MTUS1: variants seen among roughly 807,000 people sequenced by gnomAD.
MTUS1 encodes the protein microtubule associated scaffold protein 1.
MTUS1 carries 109 observed loss-of-function variants against 120.8 expected under a neutral mutation model. The ratio of observed to expected loss-of-function variants is 0.90; its 90% confidence interval spans 0.77 to 1.06. MTUS1 has a LOEUF of 1.06. Among genes scored for constraint, MTUS1 ranks in the 50% least tolerant of loss-of-function variants. The pLI is 0.00. For synonymous variants in MTUS1, 737 were observed against 550.5 expected (o/e 1.34, Z -4.74); for missense variants, 2,210 against 1,486.3 (o/e 1.49, Z -8.01).
chr8:17,727,955 TAC>T (rs2131149647), intron 3 of MTUS1, among the ~76,000 whole-genome samples: 1 of 152,332 alleles, frequency 6.6e-6, no homozygotes, highest in Admixed American at 6.5e-5. Flanking sequence ...TCAACCAATT[TAC>T]TAAAATACTC....
intron 4 of MTUS1, among the ~76,000 whole-genome samples, chr8:17,717,534 C>T (rs972080810): frequency 6.6e-6 from 1 of 152,162 alleles, no homozygotes; most frequent in Non-Finnish European, 1.5e-5. Context: ...TTATATTCAG[C>T]AACAAATAAG....
upstream of MTUS1, chr8:17,801,330 G>C (rs1244112597): frequency 2.0e-5 from 3 of 151,806 alleles, no homozygotes; most frequent in African/African-American, 7.2e-5. Flanking sequence ...AGCCGAACTC[G>C]GGCCTCCCGC....
At chr8:17,743,554 C>A (rs755581047) in intron 3 of MTUS1, 50 bp downstream of exon 3, 2 of 1,547,764 alleles carry the variant, frequency 1.3e-6, no homozygotes, top group South Asian at 1.2e-5. Context: ...CATGACTGTC[C>A]AATTTTACAT....
intron 10 of MTUS1, 90 bp from the exon 11 acceptor site, chr8:17,653,588 G>T: frequency 1.1e-6 from 1 of 906,420 alleles, no homozygotes; most frequent in South Asian, 1.6e-5. Flanking sequence ...TGTAGGGGTT[G>T]ATGATGAAGC....
chr8:17,734,422 C>G (rs191578355), intron 3 of MTUS1, among the ~76,000 whole-genome samples: 1 of 152,190 alleles, frequency 6.6e-6, no homozygotes, highest in East Asian at 1.9e-4. Context: ...AACAAAAACA[C>G]GGCAAGTCTT....
chr8:17,755,027 C>G lies in MTUS1; in HGVS notation c.781G>C (p.Gly261Arg), dbSNP rs1481559009. 1.9e-6 allele frequency: 3 copies of G among 1,613,788 alleles called. No individual in the cohort carries two copies. The East Asian group carries it at 6.7e-5, about 36-fold the overall frequency. Residue 261 changes from glycine (G) to arginine (R), a missense_variant, in exon 2 of 15, where the codon GGA becomes CGA. Coordinates refer to ENST00000693296, the MANE Select transcript of MTUS1 (RefSeq NM_001363059.2). Reference sequence around the variant, plus strand: ...CCTGAAGAACATGCACACTGATTTCCAATATCTGAAACAAAAACCTCACTT... The same window carrying G: ...CCTGAAGAACATGCACACTGATTTCGAATATCTGAAACAAAAACCTCACTT... The part of the protein sequence containing the change: ...MQSEVFVSDI[G>R]NQCACSSGKV...
intron 6 of MTUS1, among the ~76,000 whole-genome samples, chr8:17,700,690 A>AT (rs35276308): frequency 5.9e-4 from 88 of 150,230 alleles, no homozygotes; most frequent in Admixed American, 2.3e-3. Context: ...TATTTTCCTA[A>AT]TTTTTTTTTT....
At chr8:17,656,605 A>C (rs956643489) in intron 8 of MTUS1, among the ~76,000 whole-genome samples, 9 of 146,556 alleles carry the variant, frequency 6.1e-5, no homozygotes, top group African/African-American at 1.7e-4. Context: ...GTACTTCAGA[A>C]GACCCAGGTT....
rs532716661 is a variant in MTUS1 at position 17,727,379 on chromosome 8, C to G, written c.2288-3546G>C. Reference sequence around the variant, plus strand: ...AACCACCTGCCCAGTGTTCCCTCGGCCATGCCACAGAATAGAAACATCTCA... The same window carrying G: ...AACCACCTGCCCAGTGTTCCCTCGGGCATGCCACAGAATAGAAACATCTCA... On this transcript the variant is annotated intron_variant, in intron 3 of 14. Coordinates refer to ENST00000693296, the MANE Select transcript of MTUS1 (RefSeq NM_001363059.2). Among the ~76,000 whole-genome samples, 192 of 152,234 alleles carry G rather than the reference C, an allele frequency of 1.3e-3. 11 individuals carry two copies. The South Asian group carries it at 0.039, about 31-fold the overall frequency.
intron 12 of MTUS1, among the ~76,000 whole-genome samples, chr8:17,650,365 G>A (rs1806724621): frequency 6.6e-6 from 1 of 152,188 alleles, no homozygotes; most frequent in Admixed American, 6.5e-5. Context: ...AGAAAAAGCA[G>A]TGCATTATAC....
intron 8 of MTUS1, among the ~76,000 whole-genome samples, chr8:17,672,648 C>T (rs982692350): frequency 2.6e-5 from 4 of 152,170 alleles, no homozygotes; most frequent in African/African-American, 4.8e-5. Context: ...CTTCTCCAAA[C>T]GGAGAACGGT....
intron 8 of MTUS1, among the ~76,000 whole-genome samples, chr8:17,660,059 T>G (rs1048116878): frequency 1.3e-5 from 2 of 152,114 alleles, no homozygotes; most frequent in Non-Finnish European, 2.9e-5. Flanking sequence ...ACAATTTCCT[T>G]CCTTTTGAAG....
At position 17,769,075 on chromosome 8, in the gene MTUS1, A is replaced by G. The variant is rs553343925; in HGVS notation, c.-154-13114T>C. On this transcript the variant is annotated intron_variant, in intron 1 of 14. Transcript: ENST00000693296. Reference sequence around the variant, plus strand: ...GCCTCTGCTTGGGGGTGGAGGAGCAAGCCCCTAGCTGGTGATAGCAAAGAC... The same window carrying G: ...GCCTCTGCTTGGGGGTGGAGGAGCAGGCCCCTAGCTGGTGATAGCAAAGAC... Among the ~76,000 whole-genome samples the G allele has an allele frequency of 1.9e-4, 29 of 152,206 alleles. No homozygotes were observed. In the South Asian group the frequency reaches 4.8e-3, roughly 25 times the overall value.
At chr8:17,777,808 G>T (rs993847172) in intron 1 of MTUS1, among the ~76,000 whole-genome samples, 1 of 152,194 alleles carries the variant, frequency 6.6e-6, no homozygotes, top group Non-Finnish European at 1.5e-5. Context: ...TATTTCAGCA[G>T]ATTTTCAGTA....
chr8:17,649,809 A>G (rs1806592661), intron 13 of MTUS1, 37 bp downstream of exon 13: 2 of 1,184,456 alleles, frequency 1.7e-6, no homozygotes, highest in South Asian at 2.4e-5. Flanking sequence ...ATATTACCCC[A>G]TTTGTAAGAT....
chr8:17,676,111 C>T lies in MTUS1; in HGVS notation c.2839-859G>A, dbSNP rs567675523. 4.8e-5 allele frequency: 29 copies of T among 602,602 alleles called. 1 individual carries two copies. In the South Asian group the frequency reaches 5.4e-4, roughly 11 times the overall value. 37.3% of individuals were successfully genotyped at this position (602,602 alleles called of 1,614,324 possible). A position where few individuals can be genotyped will look rare whatever the true frequency, so the allele number is the denominator to read the frequency against. ...ATGCCCTCACGAGGATCACCCAAGA[C>T]GGAGCTCCCACCACATCCTGATCAC... On this transcript the variant is annotated intron_variant, in intron 7 of 14. Coordinates refer to ENST00000693296, the MANE Select transcript of MTUS1 (RefSeq NM_001363059.2).
At chr8:17,723,642 C>A (rs573878854) in intron 4 of MTUS1, 30 bp downstream of exon 4, 9 of 1,594,472 alleles carry the variant, frequency 5.6e-6, no homozygotes, top group South Asian at 5.5e-5. Context: ...GTTTCCACAA[C>A]CCCCGAAGTG....
chr8:17,723,825 T>A lies in MTUS1; in HGVS notation c.2296A>T (p.Thr766Ser). The A allele has an allele frequency of 6.4e-7, 1 of 1,570,638 alleles. No individual in the cohort carries two copies. The highest frequency in any genetic ancestry group is 8.6e-7 in the Non-Finnish European group (1 of 1,159,466). Reference sequence around the variant, plus strand: ...GACGACTGTGCAGTTTTCAAGGATGTAGGCTTTCCTTGGGGTTTAAAAAAA... The same window carrying A: ...GACGACTGTGCAGTTTTCAAGGATGAAGGCTTTCCTTGGGGTTTAAAAAAA... ...IRRVSSSGKP[T>S]SLKTAQSSWV... The change falls in exon 4 of 15, where the codon ACA becomes TCA. Residue 766 changes from threonine to serine, a missense_variant. Coordinates refer to ENST00000693296, the MANE Select transcript of MTUS1 (RefSeq NM_001363059.2).
chr8:17,647,115 ATT>A, intron 13 of MTUS1, 36 bp from the exon 14 acceptor site: 1 of 1,525,798 alleles, frequency 6.6e-7, no homozygotes, highest in Non-Finnish European at 9.0e-7. Context: ...TTTATACAAT[ATT>A]AAAAAAAAAA....
Sources: allele counts gnomAD v4.1 joint callset (sites outside exome capture counted in the v4.1 genomes callset), GRCh38; gene constraint gnomAD v4.1.1; transcripts MANE v1.5; gene names NCBI Gene and HGNC (gene_info 2026-07-23, HGNC 2026-07-21).